The following SGCZ variants were observed in gnomAD, a reference collection of about 807,000 sequenced individuals.
SGCZ encodes zeta-sarcoglycan.
In SGCZ, 40 loss-of-function variants were observed where a neutral mutation model predicts 41.3. The observed-to-expected ratio is 0.97, with a 90% CI of 0.75 to 1.26. The LOEUF (loss-of-function observed/expected upper bound fraction) is 1.26, where lower values mean the gene tolerates loss of function less well. Among genes scored for constraint, SGCZ ranks in the 50% most tolerant of loss-of-function variants. The pLI is 0.00. For synonymous variants in SGCZ, 206 were observed against 137.5 expected, an observed-to-expected ratio of 1.50 and a Z score of -3.49; for missense variants, 552 against 369.8, an observed-to-expected ratio of 1.49 and a Z score of -4.04.
chr8:14,686,747 G>A (rs925650807), intron 1 of SGCZ, among the ~76,000 whole-genome samples: 2 of 152,040 alleles, frequency 1.3e-5, no homozygotes, highest in African/African-American at 4.8e-5. Context: ...ATATTTTAAT[G>A]CATGGTTTTG....
chr8:15,011,616 A>G (rs1308615895), intron 1 of SGCZ, among the ~76,000 whole-genome samples: 1 of 152,170 alleles, frequency 6.6e-6, no homozygotes, highest in East Asian at 1.9e-4. Context: ...CTCCCAGACT[A>G]TCTCAATTTT....
intron 2 of SGCZ, among the ~76,000 whole-genome samples, chr8:14,366,343 G>A (rs1439369064): frequency 6.6e-6 from 1 of 152,104 alleles, no homozygotes; most frequent in African/African-American, 2.4e-5. Context: ...GCATGTGTAA[G>A]CACAGGAAAA....
rs1563403990 is a variant in SGCZ at position 14,551,445 on chromosome 8, C to CATATATATATT, written c.234+3276_234+3286dup. On this transcript the variant is annotated intron_variant, in intron 2 of 7. Transcript: ENST00000382080. ...TTCAAATTTTCCTCTTCAACTATTT[C>CATATATATATT]ATATATATATTATATATATTATATA... Among the ~76,000 whole-genome samples, 58 of 24,726 alleles carry CATATATATATT rather than the reference C, an allele frequency of 2.3e-3. 19 individuals carry two copies. Among genetic ancestry groups the CATATATATATT allele is most frequent in the East Asian group, 0.01 (8 of 786 alleles). 16.2% of individuals were successfully genotyped at this position (24,726 alleles called of 152,430 possible). A position where few individuals can be genotyped will look rare whatever the true frequency, so the allele number is the denominator to read the frequency against.
At chr8:14,776,523 T>TC (rs1414639043) in intron 1 of SGCZ, among the ~76,000 whole-genome samples, 11 of 146,034 alleles carry the variant, frequency 7.5e-5, no homozygotes, top group Non-Finnish European at 1.1e-4. Flanking sequence ...TTTTTCTTTT[T>TC]TTTTTTTTTT....
intron 1 of SGCZ, among the ~76,000 whole-genome samples, chr8:14,618,743 A>C (rs6981363): frequency 0.84 from 127,080 of 152,058 alleles, 53,451 homozygotes; most frequent in Non-Finnish European, 0.88. Flanking sequence ...GGTGCTCATG[A>C]AGGGTAATAG....
intron 1 of SGCZ, among the ~76,000 whole-genome samples, chr8:14,967,883 G>A (rs529809986): frequency 1.3e-5 from 2 of 152,234 alleles, no homozygotes; most frequent in South Asian, 4.1e-4. Context: ...CATCCCCGAG[G>A]TGAACAGCCC....
intron 1 of SGCZ, among the ~76,000 whole-genome samples, chr8:15,058,149 T>C (rs550948612): frequency 6.6e-6 from 1 of 152,212 alleles, no homozygotes; most frequent in Non-Finnish European, 1.5e-5. Context: ...ACCATACACA[T>C]GAACACTAAT....
chr8:15,214,330 T>C (rs1801331185), intron 1 of SGCZ, among the ~76,000 whole-genome samples: 1 of 152,126 alleles, frequency 6.6e-6, no homozygotes, highest in South Asian at 2.1e-4. Flanking sequence ...TACAAATATA[T>C]GTATTATTTA....
intron 2 of SGCZ, among the ~76,000 whole-genome samples, chr8:14,498,648 T>C (rs748045972): frequency 2.0e-5 from 3 of 152,096 alleles, no homozygotes; most frequent in Admixed American, 6.6e-5. Context: ...CATGAGCTAT[T>C]ATTTTAGTGG....
At chr8:14,948,478 G>A (rs913159940) in intron 1 of SGCZ, among the ~76,000 whole-genome samples, 1 of 152,062 alleles carries the variant, frequency 6.6e-6, no homozygotes, top group African/African-American at 2.4e-5. Flanking sequence ...TTATGAGAGA[G>A]AGAGAGAGAG....
intron 1 of SGCZ, among the ~76,000 whole-genome samples, chr8:15,091,396 C>T (rs937443972): frequency 1.3e-5 from 2 of 152,182 alleles, no homozygotes; most frequent in African/African-American, 2.4e-5. Flanking sequence ...GTGTATTTTT[C>T]ACTACTTTTT....
At chr8:14,836,908 A>G (rs1258131039) in intron 1 of SGCZ, among the ~76,000 whole-genome samples, 1 of 152,198 alleles carries the variant, frequency 6.6e-6, no homozygotes, top group African/African-American at 2.4e-5. Context: ...CCAGAATGTC[A>G]TCTTGTATTA....
At chr8:14,177,645 G>C (rs1306398514) in intron 4 of SGCZ, among the ~76,000 whole-genome samples, 1 of 151,190 alleles carries the variant, frequency 6.6e-6, no homozygotes, top group East Asian at 2.0e-4. Flanking sequence ...AAGTAGCTGG[G>C]ACTACAGGCG....
Position 14,534,111 on chromosome 8 carries a change from C to G in SGCZ, c.234+20621G>C, listed in dbSNP as rs191136806. ...GCTAAAAAGGTCCCAATACATCCTTCGGGAATCTAGCCACTTGGAGTTGGA... is the reference window on the plus strand; with the variant it reads ...GCTAAAAAGGTCCCAATACATCCTTGGGGAATCTAGCCACTTGGAGTTGGA... On this transcript the variant is annotated intron_variant, in intron 2 of 7. Coordinates refer to ENST00000382080, the MANE Select transcript of SGCZ (RefSeq NM_139167.4). Among the ~76,000 whole-genome samples the G allele has an allele frequency of 7.5e-4, 114 of 152,048 alleles. 1 individual carries two copies. Among genetic ancestry groups the G allele is most frequent in the Non-Finnish European group, 1.4e-3 (98 of 67,980 alleles).
chr8:14,487,320 G>C (rs1446189450), intron 2 of SGCZ, among the ~76,000 whole-genome samples: 1 of 152,052 alleles, frequency 6.6e-6, no homozygotes, highest in South Asian at 2.1e-4. Context: ...ATACTTGCAA[G>C]TATGTTGATT....
intron 1 of SGCZ, among the ~76,000 whole-genome samples, chr8:15,012,708 A>C (rs1802884321): frequency 7.0e-6 from 1 of 143,318 alleles, no homozygotes; most frequent in Non-Finnish European, 1.5e-5. Flanking sequence ...ATTTTATATA[A>C]ATGTTATAAA....
At chr8:14,116,926 G>T (rs1423978997) in intron 5 of SGCZ, among the ~76,000 whole-genome samples, 1 of 151,976 alleles carries the variant, frequency 6.6e-6, no homozygotes, top group East Asian at 1.9e-4. Context: ...TTTTCTTAGA[G>T]GAATTTCAAG....
chr8:14,885,615 C>A (rs1357211956), intron 1 of SGCZ, among the ~76,000 whole-genome samples: 9 of 152,048 alleles, frequency 5.9e-5, no homozygotes, highest in African/African-American at 2.2e-4. Context: ...TCTTAACTGA[C>A]ATCTTAAAGT....
chr8:14,927,895 G>A (rs1799805875), intron 1 of SGCZ, among the ~76,000 whole-genome samples: 1 of 152,132 alleles, frequency 6.6e-6, no homozygotes, highest in Non-Finnish European at 1.5e-5. Context: ...AGACGCCATG[G>A]AATGCAACCA....
Sources: allele counts gnomAD v4.1 joint callset (sites outside exome capture counted in the v4.1 genomes callset), GRCh38; gene constraint gnomAD v4.1.1; transcripts MANE v1.5; gene names NCBI Gene and HGNC (gene_info 2026-07-23, HGNC 2026-07-21).